Variants in ZNF787 observed in about 807,000 individuals in gnomAD.
The protein encoded by ZNF787 is zinc finger protein 787, also known as TTF-I-interacting peptide 20.
ZNF787 carries 7 observed loss-of-function variants against 16.9 expected under a neutral mutation model. The observed-to-expected ratio is 0.42, with a 90% CI of 0.24 to 0.78. ZNF787 has a LOEUF of 0.78. Ranked by LOEUF, ZNF787 falls within the 30% of genes least tolerant of loss-of-function variation. ZNF787 has a pLI of 0.30. For synonymous variants in ZNF787, 345 were observed against 270.9 expected, an observed-to-expected ratio of 1.27 and a Z score of -2.69; for missense variants, 551 against 589.3, an observed-to-expected ratio of 0.94 and a Z score of 0.67.
rs1411309718 is a variant in ZNF787, at chr19:56,099,626, G to A, written c.79+3513C>T. ...TTTGGGAGGCTGAGGCAGGAGAATCGCTTGAACCTGGGAGGTGGAAGTTGC... is the reference window on the plus strand; with the variant it reads ...TTTGGGAGGCTGAGGCAGGAGAATCACTTGAACCTGGGAGGTGGAAGTTGC... On this transcript the variant is annotated intron_variant, in intron 2 of 2. Coordinates refer to ENST00000610935, the MANE Select transcript of ZNF787 (RefSeq NM_001002836.4). Among the ~76,000 whole-genome samples the A allele has an allele frequency of 2.0e-5, 3 of 146,890 alleles. No individual in the cohort carries two copies. The East Asian group carries it at 6.0e-4, about 29-fold the overall frequency.
chr19:56,091,812 G>A (rs1057448899), intron 2 of ZNF787, among the ~76,000 whole-genome samples: 4 of 152,192 alleles, frequency 2.6e-5, no homozygotes, highest in African/African-American at 9.7e-5. Context: ...TAAGGCCCAG[G>A]AAACCGCGCT....
At chr19:56,106,373 T>C (rs1021806407) in intron 1 of ZNF787, among the ~76,000 whole-genome samples, 2 of 152,186 alleles carry the variant, frequency 1.3e-5, no homozygotes, top group African/African-American at 4.8e-5. Context: ...ACAGCGGGCA[T>C]TGTGTATACT....
intron 2 of ZNF787, among the ~76,000 whole-genome samples, chr19:56,090,164 G>A (rs930745347): frequency 6.6e-6 from 1 of 152,156 alleles, no homozygotes; most frequent in African/African-American, 2.4e-5. Context: ...CCAGCACACA[G>A]AGCCCAAACA....
rs1300552637 is a variant in ZNF787, at chr19:56,096,240, A to AAAATAAT, written c.79+6898_79+6899insATTATTT. Among the ~76,000 whole-genome samples the AAAATAAT allele has an allele frequency of 1.5e-5, 2 of 131,810 alleles. 1 individual carries two copies. Among genetic ancestry groups the AAAATAAT allele is most frequent in the South Asian group, 4.7e-4 (2 of 4,256 alleles). The allele number at this position is 131,810 out of a possible 152,430, so 86.5% of individuals were successfully genotyped here. ...GAGACCCCGTCTCTAAAAAAATAAA[A>AAAATAAT]AAAATAAAAAAATAAAAAAAATAAA... is the stretch of plus-strand genomic sequence containing the variant. On this transcript the variant is annotated intron_variant, in intron 2 of 2. Coordinates refer to ENST00000610935, the MANE Select transcript of ZNF787 (RefSeq NM_001002836.4).
chr19:56,087,821 C>G lies in ZNF787; in HGVS notation c.*202G>C. On this transcript the variant is annotated 3_prime_UTR_variant, in exon 3 of 3. Transcript: ENST00000610935. ...GCGGGCCAGGCTGAGGGGGCAGAGTCTCGAGGCGGAGAAGTGAACGGGCCC... is the reference window on the plus strand; with the variant it reads ...GCGGGCCAGGCTGAGGGGGCAGAGTGTCGAGGCGGAGAAGTGAACGGGCCC... 1 of 834,224 alleles carries G rather than the reference C, an allele frequency of 1.2e-6. No homozygotes were observed. The highest frequency in any genetic ancestry group is 1.6e-6 in the Non-Finnish European group (1 of 629,660). The allele number at this position is 834,224 out of a possible 1,614,324, so 51.7% of individuals were successfully genotyped here.
intron 2 of ZNF787, chr19:56,102,054 C>T (rs1196134903): frequency 6.6e-6 from 1 of 152,232 alleles, no homozygotes; most frequent in Non-Finnish European, 1.5e-5. Context: ...CAGGGAGCTT[C>T]TGTTCATGCT....
intron 1 of ZNF787, among the ~76,000 whole-genome samples, chr19:56,116,142 A>G (rs1361222467): frequency 6.6e-6 from 1 of 151,636 alleles, no homozygotes; most frequent in Non-Finnish European, 1.5e-5. Context: ...AACTGCTCTA[A>G]AAAAAAATAA....
At chr19:56,099,779 C>G (rs1188506100) in intron 2 of ZNF787, among the ~76,000 whole-genome samples, 1 of 150,910 alleles carries the variant, frequency 6.6e-6, no homozygotes, top group African/African-American at 2.4e-5. Context: ...GGGAAGAAAA[C>G]TGCAGCAGGG....
At chr19:56,104,891 G>A (rs550642022) in intron 1 of ZNF787, among the ~76,000 whole-genome samples, 4 of 144,584 alleles carry the variant, frequency 2.8e-5, no homozygotes, top group African/African-American at 8.8e-5. Context: ...CACTTTGAGA[G>A]GCCAAAGCAG....
chr19:56,104,749 A>ACG (rs1986237308), intron 1 of ZNF787, among the ~76,000 whole-genome samples: 1 of 152,392 alleles, frequency 6.6e-6, no homozygotes, highest in East Asian at 1.9e-4. Flanking sequence ...AAGCGGTGCC[A>ACG]CGCACACACA....
chr19:56,089,182 C>T, intron 2 of ZNF787, 90 bp from the exon 3 acceptor site: 2 of 968,334 alleles, frequency 2.1e-6, no homozygotes, highest in Non-Finnish European at 2.9e-6. Flanking sequence ...GGGTGCCTCG[C>T]TCCCCCTGGC....
intron 1 of ZNF787, among the ~76,000 whole-genome samples, chr19:56,110,372 AAAG>A (rs1201609939): frequency 6.6e-6 from 1 of 150,394 alleles, no homozygotes; most frequent in African/African-American, 2.5e-5. Context: ...AAAAAAAAAA[AAAG>A]AAAGAAAAAG....
Position 56,088,437 on chromosome 19 carries a change from C to T in ZNF787, c.735G>A (p.Val245=). 1 of 1,229,490 alleles carries T rather than the reference C, an allele frequency of 8.1e-7. No homozygotes were observed. Among genetic ancestry groups the T allele is most frequent in the Non-Finnish European group, 1.0e-6 (1 of 982,982 alleles). The allele number at this position is 1,229,490 out of a possible 1,614,324, so 76.2% of individuals were successfully genotyped here. ...CGGCCCCCTCGCCCGGCGCGCCCAC[C>T]ACGATGATGCCCTCGCCATCGCCCA... ...IPVGDGEGII[V]VGAPGEGAAA... The change falls in exon 3 of 3, where the codon GTG becomes GTA. Residue 245 remains valine, a synonymous_variant. Transcript: ENST00000610935. The surrounding 1 kb of genome is among the most constrained non-coding windows in gnomAD (Gnocchi z 8.6).
At chr19:56,091,080 C>A (rs1253245316) in intron 2 of ZNF787, among the ~76,000 whole-genome samples, 9 of 152,054 alleles carry the variant, frequency 5.9e-5, no homozygotes, top group East Asian at 1.9e-4. Context: ...CAACATAAAT[C>A]AAAAAATGTT....
intron 1 of ZNF787, chr19:56,105,574 A>G (rs959524333): frequency 1.3e-5 from 2 of 151,026 alleles, no homozygotes; most frequent in African/African-American, 4.9e-5. Flanking sequence ...ATCCCCCGGC[A>G]CCTGCAGGAG....
chr19:56,120,791 G>T (rs1325021045), intron 1 of ZNF787, among the ~76,000 whole-genome samples: 5 of 151,018 alleles, frequency 3.3e-5, no homozygotes, highest in Admixed American at 2.6e-4. Context: ...GAACTTCGGG[G>T]GGACGGACAG....
intron 1 of ZNF787, among the ~76,000 whole-genome samples, chr19:56,110,538 G>T (rs755371408): frequency 3.3e-5 from 5 of 151,662 alleles, no homozygotes; most frequent in Non-Finnish European, 5.9e-5. Context: ...AAAAAGCACA[G>T]GAAAAAAAGG....
intron 1 of ZNF787, chr19:56,105,448 A>T (rs1986265880): frequency 6.6e-6 from 1 of 152,218 alleles, no homozygotes; most frequent in Non-Finnish European, 1.5e-5. Flanking sequence ...TTTACAACTA[A>T]CTGCCAGTTA....
chr19:56,117,430 T>C (rs2030169687), intron 1 of ZNF787, among the ~76,000 whole-genome samples: 1 of 151,518 alleles, frequency 6.6e-6, no homozygotes, highest in East Asian at 1.9e-4. Flanking sequence ...GCGGAGTGGC[T>C]AGTACAATCT....
Sources: allele counts gnomAD v4.1 joint callset (sites outside exome capture counted in the v4.1 genomes callset), GRCh38; gene constraint gnomAD v4.1.1; non-coding constraint Gnocchi (gnomAD v3.1); transcripts MANE v1.5; gene names NCBI Gene and HGNC (gene_info 2026-07-23, HGNC 2026-07-21).